NIPBL: variants seen among roughly 807,000 people sequenced by gnomAD.
NIPBL encodes NIPBL cohesin loading factor, also known as nipped-B-like protein.
NIPBL carries 19 observed loss-of-function variants against 321.8 expected under a neutral mutation model. The observed-to-expected ratio is 0.06, with a 90% CI of 0.04 to 0.09. The LOEUF is 0.09. Ranked by LOEUF, NIPBL falls within the 10% of genes least tolerant of loss-of-function variation. The probability of loss-of-function intolerance (pLI) is 1.00; values close to 1 mark genes in which losing one functional copy is unlikely to be tolerated. For synonymous variants in NIPBL, 1,106 were observed against 1,114.1 expected (o/e 0.99, Z 0.14); for missense variants, 2,210 against 3,327.0 (o/e 0.66, Z 8.26).
intron 1 of NIPBL, among the ~76,000 whole-genome samples, chr5:36,931,134 C>CTAGGCTTTCTTAG (rs1169512011): frequency 3.9e-5 from 6 of 151,990 alleles, no homozygotes; most frequent in Admixed American, 2.0e-4. Flanking sequence ...TCGTCTGTGC[C>CTAGGCTTTCTTAG]TAGGCTTTCT....
chr5:37,022,225 T>TC lies in NIPBL; in HGVS notation c.5428-18dup, dbSNP rs1362205677. On this transcript the variant is annotated intron_variant, in intron 28 of 46. Transcript: ENST00000282516. ...TCTATTTAGGTATAAATTGTTTTTT[T>TC]CTCTTCATTTTTCTTTAGCTTGATA... 3.7e-6 allele frequency: 6 copies of TC among 1,613,946 alleles called. No individual in the cohort carries two copies. Among genetic ancestry groups the TC allele is most frequent in the Middle Eastern group, 1.6e-4 (1 of 6,062 alleles).
chr5:37,054,195 C>CA (rs1200216062), intron 42 of NIPBL, among the ~76,000 whole-genome samples: 2,105 of 56,774 alleles, frequency 0.037, 29 homozygotes, highest in African/African-American at 0.062. Flanking sequence ...GACTCCGTCT[C>CA]AAAAAAAAAA....
At chr5:36,951,745 T>C (rs1279489155) in intron 1 of NIPBL, among the ~76,000 whole-genome samples, 1 of 152,168 alleles carries the variant, frequency 6.6e-6, no homozygotes, top group African/African-American at 2.4e-5. Context: ...GAATAGCTAG[T>C]AGTGATTATA....
In NIPBL at chr5:37,014,724, T is replaced by C. The variant is rs968768950; in HGVS notation, c.4602T>C (p.Ala1534=). 4 of 1,610,444 alleles carry C rather than the reference T, an allele frequency of 2.5e-6. No homozygotes were observed. The highest frequency in any genetic ancestry group is 1.7e-6 in the Non-Finnish European group (2 of 1,176,792). Residue 1534 remains alanine, a synonymous_variant, in exon 22 of 47, where the codon GCT becomes GCC. Transcript: ENST00000282516. The stretch of plus-strand genomic sequence containing the variant: ...TCATTACTAACTCTTATGAAACAGC[T>C]ATGCGAACAGCCCAAAACTTCCTCT... ...DVVITNSYET[A]MRTAQNFLSI...
At chr5:36,939,246 A>G (rs572472289) in intron 1 of NIPBL, among the ~76,000 whole-genome samples, 2 of 152,212 alleles carry the variant, frequency 1.3e-5, no homozygotes, top group South Asian at 2.1e-4. Flanking sequence ...CAAACTATCC[A>G]TCTGCCTCGG....
intron 42 of NIPBL, among the ~76,000 whole-genome samples, chr5:37,056,228 G>A (rs1308726747): frequency 2.0e-5 from 3 of 152,074 alleles, no homozygotes; most frequent in African/African-American, 7.2e-5. Context: ...AGTAAAAATA[G>A]AGTGAGAGTG....
At chr5:36,982,578 T>G (rs1744265583) in intron 9 of NIPBL, among the ~76,000 whole-genome samples, 1 of 151,884 alleles carries the variant, frequency 6.6e-6, no homozygotes, top group Admixed American at 6.6e-5. Context: ...TAATTACTTG[T>G]GTGCAAATAC....
chr5:36,982,465 T>C (rs1260578732), intron 9 of NIPBL, among the ~76,000 whole-genome samples: 1 of 151,756 alleles, frequency 6.6e-6, no homozygotes, highest in Non-Finnish European at 1.5e-5. Flanking sequence ...ATTTTCCAGG[T>C]TTTACAGGAG....
At chr5:36,974,804 G>A (rs1262733794) in intron 8 of NIPBL, among the ~76,000 whole-genome samples, 5 of 151,954 alleles carry the variant, frequency 3.3e-5, no homozygotes, top group Non-Finnish European at 7.4e-5. Context: ...GCAGTTCTAG[G>A]TTTAAGTTCT....
Position 37,000,265 on chromosome 5 carries a change from A to T in NIPBL, c.3305-108A>T. On this transcript the variant is annotated intron_variant, in intron 11 of 46. Coordinates refer to ENST00000282516, the MANE Select transcript of NIPBL (RefSeq NM_133433.4). The stretch of plus-strand genomic sequence containing the variant: ...TAGACAAAATCACTGAATTTCCTAG[A>T]CCCTATGGAATGAAGATTTTTTTCC... 4 of 1,024,754 alleles carry T rather than the reference A, an allele frequency of 3.9e-6. No individual in the cohort carries two copies. In the South Asian group the frequency reaches 5.5e-5, roughly 14 times the overall value. The allele number at this position is 1,024,754 out of a possible 1,614,324, so 63.5% of individuals were successfully genotyped here.
chr5:37,037,632 T>C (rs1387158838), intron 33 of NIPBL, among the ~76,000 whole-genome samples: 3 of 149,674 alleles, frequency 2.0e-5, no homozygotes, highest in Non-Finnish European at 4.5e-5. Flanking sequence ...ATGCAGTCTT[T>C]TTTTTTTTTT....
intron 3 of NIPBL, 101 bp from the exon 4 acceptor site, chr5:36,958,003 T>G (rs78139489): frequency 8.7e-7 from 1 of 1,146,758 alleles, no homozygotes; most frequent in Non-Finnish European, 1.3e-6. Flanking sequence ...AAAAAAAAAT[T>G]CATATTGTTG....
At chr5:37,061,283 C>T (rs1579613923) in intron 45 of NIPBL, among the ~76,000 whole-genome samples, 1 of 152,136 alleles carries the variant, frequency 6.6e-6, no homozygotes, top group Admixed American at 6.5e-5. Flanking sequence ...TATAGGAAAA[C>T]CTGTGTGTGT....
chr5:36,882,098 T>C (rs954721588), intron 1 of NIPBL, among the ~76,000 whole-genome samples: 7 of 151,988 alleles, frequency 4.6e-5, no homozygotes, highest in Non-Finnish European at 8.8e-5. Context: ...GTTGTGCGCT[T>C]ATTCCAGAAC....
At chr5:36,907,823 T>C (rs1299936497) in intron 1 of NIPBL, among the ~76,000 whole-genome samples, 3 of 152,154 alleles carry the variant, frequency 2.0e-5, no homozygotes, top group Non-Finnish European at 4.4e-5. Flanking sequence ...TACTTTACAA[T>C]TTAAATGAAA....
chr5:36,880,780 A>G (rs1036487272), intron 1 of NIPBL, among the ~76,000 whole-genome samples: 1 of 152,006 alleles, frequency 6.6e-6, no homozygotes, highest in African/African-American at 2.4e-5. Flanking sequence ...GTATTTTAAA[A>G]CTAGTCCTTT....
intron 1 of NIPBL, among the ~76,000 whole-genome samples, chr5:36,892,311 G>GA (rs1225853550): frequency 6.6e-6 from 1 of 152,168 alleles, no homozygotes; most frequent in Non-Finnish European, 1.5e-5. Context: ...AGGATGTGGA[G>GA]AAATAGGAAC....
intron 40 of NIPBL, chr5:37,051,064 T>G (rs1279518080): frequency 6.6e-6 from 1 of 152,344 alleles, no homozygotes; most frequent in Non-Finnish European, 1.5e-5. Context: ...TGAGCTCAAG[T>G]AATCTGCCTG....
chr5:37,064,919 C>A lies in NIPBL; in HGVS notation c.*27C>A, dbSNP rs1179683033. 6.2e-7 allele frequency: 1 copy of A among 1,613,442 alleles called. No individual in the cohort carries two copies. The highest frequency in any genetic ancestry group is 1.3e-5 in the African/African-American group (1 of 74,822). The stretch of plus-strand genomic sequence containing the variant: ...GAATTTGTACATGCAGCCAAATTTA[C>A]AGGAATTTTTTTAAAAGGCAGAAAA... On this transcript the variant is annotated 3_prime_UTR_variant, in exon 47 of 47. Transcript: ENST00000282516.
Sources: gnomAD v4.1 joint callset for allele counts (sites outside exome capture counted in the v4.1 genomes callset) on GRCh38, gnomAD v4.1.1 for gene constraint, MANE v1.5 for transcripts, NCBI Gene and HGNC (gene_info 2026-07-23, HGNC 2026-07-21) for gene names.